Variants in STARD3NL observed in about 807,000 individuals in gnomAD.
STARD3NL encodes STARD3 N-terminal like, also known as STARD3 N-terminal-like protein.
Under a neutral mutation model 30.9 loss-of-function variants are expected in STARD3NL, and 17 were observed. The ratio of observed to expected loss-of-function variants is 0.55; its 90% CI spans 0.38 to 0.82. The LOEUF (loss-of-function observed/expected upper bound fraction) is 0.82. Ranked by LOEUF, STARD3NL falls within the 40% of genes least tolerant of loss-of-function variation. The pLI is 0.00. For synonymous variants in STARD3NL, 112 were observed against 100.5 expected (o/e 1.11, Z -0.69); for missense variants, 234 against 277.6 (o/e 0.84, Z 1.12).
chr7:38,199,309 C>G (rs1285906379), intron 1 of STARD3NL, among the ~76,000 whole-genome samples: 1 of 152,312 alleles, frequency 6.6e-6, no homozygotes, highest in East Asian at 1.9e-4. Context: ...GAAATGACAT[C>G]TGGAAAAATA....
intron 2 of STARD3NL, among the ~76,000 whole-genome samples, chr7:38,209,750 G>C (rs1230801378): frequency 6.6e-6 from 1 of 152,122 alleles, no homozygotes; most frequent in Admixed American, 6.5e-5. Context: ...TGGGGTTCAT[G>C]GGATCACACT....
At chr7:38,219,444 G>C (rs943857872) in intron 6 of STARD3NL, 121 bp from the exon 7 acceptor site, 5 of 615,930 alleles carry the variant, frequency 8.1e-6, no homozygotes, top group Non-Finnish European at 1.4e-5. Flanking sequence ...CATTTTTAAA[G>C]TACCTCTTTT....
chr7:38,187,990 C>A (rs11766312), intron 1 of STARD3NL, among the ~76,000 whole-genome samples: 3 of 151,952 alleles, frequency 2.0e-5, no homozygotes, highest in Admixed American at 1.3e-4. Context: ...TTCTCATCCC[C>A]TCTACTGCCC....
intron 6 of STARD3NL, among the ~76,000 whole-genome samples, chr7:38,218,115 A>G (rs1394026356): frequency 6.6e-6 from 1 of 152,054 alleles, no homozygotes; most frequent in African/African-American, 2.4e-5. Flanking sequence ...CCACCCACCC[A>G]TCTTAAAGGT....
In STARD3NL at chr7:38,207,733, A is replaced by G; in HGVS notation, c.225+4A>G. On this transcript the variant is annotated splice_donor_region_variant and intron_variant, in intron 2 of 8. Coordinates refer to ENST00000009041, the MANE Select transcript of STARD3NL (RefSeq NM_032016.4). Reference sequence around the variant, plus strand: ...ACTGTGGATAATAGAGTTAAATGTAAGTTGGTGGTTCTTTCATAACTTTTT... The same window carrying G: ...ACTGTGGATAATAGAGTTAAATGTAGGTTGGTGGTTCTTTCATAACTTTTT... 6.2e-7 allele frequency: 1 copy of G among 1,612,488 alleles called. No homozygotes were observed.
At position 38,230,069 on chromosome 7, in the gene STARD3NL, CGTT is replaced by C. The variant is rs1308185389; in HGVS notation, c.*167_*169del. 6.6e-6 allele frequency: 1 copy of C among 152,596 alleles called. No individual in the cohort carries two copies. Among genetic ancestry groups the C allele is most frequent in the Non-Finnish European group, 1.5e-5 (1 of 68,028 alleles). 9.5% of individuals were successfully genotyped at this position (152,596 alleles called of 1,614,324 possible). ...TTTATTTATTGTAATACCTCACAGACGTTGTACCATATCCATGCACATTTAGTT... is the reference window on the plus strand; with the variant it reads ...TTTATTTATTGTAATACCTCACAGACGTACCATATCCATGCACATTTAGTT... On this transcript the variant is annotated 3_prime_UTR_variant, in exon 9 of 9. Transcript: ENST00000009041.
intron 7 of STARD3NL, among the ~76,000 whole-genome samples, chr7:38,225,954 T>C (rs1786735836): frequency 6.6e-6 from 1 of 152,230 alleles, no homozygotes; most frequent in African/African-American, 2.4e-5. Flanking sequence ...ATTTGAGAAA[T>C]TTGAACCATT....
chr7:38,201,530 A>G (rs1020902982), intron 1 of STARD3NL, among the ~76,000 whole-genome samples: 2 of 152,168 alleles, frequency 1.3e-5, no homozygotes, highest in East Asian at 1.9e-4. Flanking sequence ...GAATTCGTTC[A>G]ATTTTCTGTA....
chr7:38,219,685 G>A, intron 7 of STARD3NL, 25 bp downstream of exon 7: 1 of 1,584,260 alleles, frequency 6.3e-7, no homozygotes, highest in Non-Finnish European at 8.7e-7. Flanking sequence ...TATTATTTGT[G>A]CTTGTATCTC....
chr7:38,211,252 G>A (rs1448133158), intron 2 of STARD3NL, among the ~76,000 whole-genome samples: 2 of 152,190 alleles, frequency 1.3e-5, no homozygotes, highest in African/African-American at 2.4e-5. Context: ...AAATTCAGAT[G>A]AGGTAGATCA....
At position 38,223,234 on chromosome 7, in the gene STARD3NL, G is replaced by T. The variant is rs144316070; in HGVS notation, c.649+3574G>T. 9.1e-4 allele frequency among the ~76,000 whole-genome samples: 138 copies of T among 152,262 alleles called. 1 individual carries two copies. The highest frequency in any genetic ancestry group is 2.0e-3 in the Admixed American group (30 of 15,292). ...GCAGCCTGAATTTTAGTACCACAGGGATAGCACGGTTTATTAGATATACTT... is the reference window on the plus strand; with the variant it reads ...GCAGCCTGAATTTTAGTACCACAGGTATAGCACGGTTTATTAGATATACTT... On this transcript the variant is annotated intron_variant, in intron 7 of 8. Coordinates refer to ENST00000009041, the MANE Select transcript of STARD3NL (RefSeq NM_032016.4).
At chr7:38,200,953 CTAATT>C (rs746677526) in intron 1 of STARD3NL, among the ~76,000 whole-genome samples, 5 of 152,144 alleles carry the variant, frequency 3.3e-5, no homozygotes, top group Non-Finnish European at 7.3e-5. Flanking sequence ...GTCCCTCAAA[CTAATT>C]TTTCTTCTTC....
At chr7:38,189,682 T>C (rs1176704905) in intron 1 of STARD3NL, among the ~76,000 whole-genome samples, 1 of 152,216 alleles carries the variant, frequency 6.6e-6, no homozygotes. Flanking sequence ...TGACATTGGC[T>C]CAAAATGCAA....
chr7:38,203,230 A>G (rs1363263929), intron 1 of STARD3NL, among the ~76,000 whole-genome samples: 1 of 152,212 alleles, frequency 6.6e-6, no homozygotes, highest in Non-Finnish European at 1.5e-5. Context: ...GGGCAGCCAG[A>G]GAGAAAGGTC....
At chr7:38,191,395 C>T (rs976046388) in intron 1 of STARD3NL, among the ~76,000 whole-genome samples, 1 of 152,070 alleles carries the variant, frequency 6.6e-6, no homozygotes, top group Non-Finnish European at 1.5e-5. Context: ...AGGGGGAGCC[C>T]CTTCATGACA....
chr7:38,184,767 C>T (rs1209500100), intron 1 of STARD3NL, among the ~76,000 whole-genome samples: 1 of 144,586 alleles, frequency 6.9e-6, no homozygotes, highest in Non-Finnish European at 1.5e-5. Context: ...AAAACTTGCT[C>T]TCAAATAATG....
intron 4 of STARD3NL, 150 bp from the exon 5 acceptor site, chr7:38,216,875 G>A (rs1786150153): frequency 2.4e-6 from 2 of 824,680 alleles, no homozygotes; most frequent in South Asian, 1.7e-5. Context: ...CTAGGGGAGA[G>A]AGACTGAGTG....
Position 38,214,377 on chromosome 7 carries a change from C to A in STARD3NL, c.246C>A (p.Asn82Lys). 6.2e-7 allele frequency: 1 copy of A among 1,606,898 alleles called. No homozygotes were observed. Among genetic ancestry groups the A allele is most frequent in the Non-Finnish European group, 8.5e-7 (1 of 1,174,828 alleles). ...IELNVNGGIE[N>K]TLEKEVMQYD... ...TCTAGGTGAATGGAGGCATTGAGAA[C>A]ACATTAGAGAAGGAGGTGATGCAGT... Residue 82 changes from asparagine (N) to lysine (K), a missense_variant, in exon 3 of 9, where the codon AAC becomes AAA. Asn to Lys is a moderately conservative substitution (Grantham distance 94, BLOSUM62 0). Transcript: ENST00000009041.
chr7:38,199,203 A>G (rs931849772), intron 1 of STARD3NL, among the ~76,000 whole-genome samples: 1 of 152,232 alleles, frequency 6.6e-6, no homozygotes, highest in Non-Finnish European at 1.5e-5. Flanking sequence ...GTATACAGCC[A>G]ATCAATACTT....
Sources: gnomAD v4.1 joint callset for allele counts (sites outside exome capture counted in the v4.1 genomes callset) on GRCh38, gnomAD v4.1.1 for gene constraint, MANE v1.5 for transcripts, NCBI Gene and HGNC (gene_info 2026-07-23, HGNC 2026-07-21) for gene names.